The following TMPRSS7 variants were observed in gnomAD, a reference collection of about 807,000 sequenced individuals.
TMPRSS7 encodes transmembrane serine protease 7.
TMPRSS7 carries 81 observed loss-of-function variants against 95.6 expected under a neutral mutation model. That is an observed-to-expected ratio of 0.85 (90% CI 0.71 to 1.02). The LOEUF (loss-of-function observed/expected upper bound fraction) is 1.02, where lower values mean the gene tolerates loss of function less well. Among genes scored for constraint, TMPRSS7 ranks in the 50% least tolerant of loss-of-function variants. The probability of loss-of-function intolerance (pLI) is 0.00; values close to 1 mark genes in which losing one functional copy is unlikely to be tolerated. For missense variants in TMPRSS7, 945 were observed against 955.2 expected, an observed-to-expected ratio of 0.99 and a Z score of 0.14; for synonymous variants, 364 against 337.8, an observed-to-expected ratio of 1.08 and a Z score of -0.85.
chr3:112,046,955 A>G lies in TMPRSS7; in HGVS notation c.692-19A>G. 1.4e-6 allele frequency: 1 copy of G among 702,608 alleles called. No individual in the cohort carries two copies. The highest frequency in any genetic ancestry group is 2.6e-6 in the Non-Finnish European group (1 of 384,838). The allele number at this position is 702,608 out of a possible 1,614,324, so 43.5% of individuals were successfully genotyped here. On this transcript the variant is annotated intron_variant, in intron 5 of 17. Transcript: ENST00000452346. ...AAATGATAGGATTCAATCTCTTCTCATGTGCTTTTTCAATGCAGCTGGGCT... is the reference window on the plus strand; with the variant it reads ...AAATGATAGGATTCAATCTCTTCTCGTGTGCTTTTTCAATGCAGCTGGGCT...
intron 15 of TMPRSS7, among the ~76,000 whole-genome samples, chr3:112,076,023 T>G (rs916335431): frequency 2.0e-5 from 3 of 152,214 alleles, no homozygotes; most frequent in Non-Finnish European, 4.4e-5. Context: ...TCCCTGAAAA[T>G]TATAGGATTT....
chr3:112,049,973 A>G (rs935138901), exon 8 of TMPRSS7: 2 of 1,543,136 alleles, frequency 1.3e-6, no homozygotes, highest in African/African-American at 2.7e-5. Flanking sequence ...TTCCAGAACA[A>G]AGTAAGTCTT....
chr3:112,057,761 T>A (rs927416365), intron 10 of TMPRSS7, among the ~76,000 whole-genome samples: 3 of 152,220 alleles, frequency 2.0e-5, no homozygotes, highest in Non-Finnish European at 4.4e-5. Context: ...AGTTTTGCTC[T>A]GTCACCCAGG....
At chr3:112,044,232 A>G in intron 3 of TMPRSS7, 23 bp from the exon 4 acceptor site, 2 of 1,486,356 alleles carry the variant, frequency 1.3e-6, no homozygotes, top group South Asian at 2.4e-5. Context: ...AATACTTCAG[A>G]TACCTCAACT....
intron 13 of TMPRSS7, among the ~76,000 whole-genome samples, chr3:112,068,421 G>T (rs973606818): frequency 2.0e-5 from 3 of 152,204 alleles, no homozygotes; most frequent in Admixed American, 2.0e-4. Flanking sequence ...CGGCAGTATG[G>T]CCATTTTCAT....
At chr3:112,080,152 T>A (rs1182070553) in intron 17 of TMPRSS7, among the ~76,000 whole-genome samples, 1 of 152,236 alleles carries the variant, frequency 6.6e-6, no homozygotes. Flanking sequence ...GTTGCAAGAT[T>A]ATCTACCCTC....
intron 2 of TMPRSS7, among the ~76,000 whole-genome samples, chr3:112,038,951 T>C (rs753408913): frequency 1.2e-4 from 19 of 152,200 alleles, no homozygotes; most frequent in Non-Finnish European, 2.2e-4. Flanking sequence ...AGAAATGTAA[T>C]GCATTTGTAG....
At chr3:112,069,521 C>T (rs1052196101) in intron 13 of TMPRSS7, among the ~76,000 whole-genome samples, 2 of 152,194 alleles carry the variant, frequency 1.3e-5, no homozygotes, top group Non-Finnish European at 2.9e-5. Context: ...TTGGTCTATT[C>T]AGAGATTCAA....
chr3:112,043,803 C>A (rs897506861), intron 3 of TMPRSS7, among the ~76,000 whole-genome samples: 1 of 152,168 alleles, frequency 6.6e-6, no homozygotes, highest in Non-Finnish European at 1.5e-5. Context: ...GGCTGGTAGA[C>A]CTGGCTGTGG....
At chr3:112,042,657 T>A (rs868383484) in intron 3 of TMPRSS7, among the ~76,000 whole-genome samples, 1 of 152,236 alleles carries the variant, frequency 6.6e-6, no homozygotes, top group Admixed American at 6.5e-5. Context: ...TGCATGCTTC[T>A]ATGCACGTAA....
At chr3:112,074,130 C>T (rs896737860) in intron 13 of TMPRSS7, among the ~76,000 whole-genome samples, 166 bp from the exon 14 acceptor site, 1 of 152,230 alleles carries the variant, frequency 6.6e-6, no homozygotes, top group African/African-American at 2.4e-5. Context: ...AGAAATGGAT[C>T]ACTGTGAGGT....
intron 12 of TMPRSS7, among the ~76,000 whole-genome samples, chr3:112,065,409 T>C (rs2073563842): frequency 6.6e-6 from 1 of 152,220 alleles, no homozygotes; most frequent in East Asian, 1.9e-4. Context: ...TCATTGATTA[T>C]TTAAATCTAT....
intron 1 of TMPRSS7, 69 bp downstream of exon 1, chr3:112,034,962 G>A: frequency 2.9e-6 from 2 of 700,024 alleles, no homozygotes; most frequent in Non-Finnish European, 5.2e-6. Context: ...AGTAAAATGA[G>A]ATTGTATGAC....
intron 9 of TMPRSS7, among the ~76,000 whole-genome samples, chr3:112,053,841 G>A (rs11713084): frequency 0.23 from 35,719 of 152,020 alleles, 4,370 homozygotes; most frequent in Middle Eastern, 0.28. Context: ...GCTTCCCTAC[G>A]TTTCTTAACA....
At chr3:112,050,747 C>T (rs772504109) in exon 9 of TMPRSS7, 1 of 1,602,028 alleles carries the variant, frequency 6.2e-7, no homozygotes, top group Admixed American at 1.7e-5. Flanking sequence ...ACCCGAGCTA[C>T]TATCCTCCAA....
chr3:112,049,848 T>C, exon 8 of TMPRSS7: 2 of 1,513,502 alleles, frequency 1.3e-6, no homozygotes, highest in Non-Finnish European at 1.8e-6. Context: ...TTTCAGAATT[T>C]GTGAACCCAC....
At chr3:112,066,264 G>T in intron 12 of TMPRSS7, 128 bp from the exon 13 acceptor site, 1 of 709,714 alleles carries the variant, frequency 1.4e-6, no homozygotes. Flanking sequence ...TCAGTTTTGA[G>T]GAAAATACAC....
chr3:112,035,667 C>T (rs1472606739), intron 1 of TMPRSS7, among the ~76,000 whole-genome samples: 1 of 152,124 alleles, frequency 6.6e-6, no homozygotes, highest in Non-Finnish European at 1.5e-5. Flanking sequence ...AAAGCTATTT[C>T]GTCTCTGGAG....
chr3:112,036,424 C>G (rs1206338955), intron 1 of TMPRSS7, among the ~76,000 whole-genome samples: 1 of 152,074 alleles, frequency 6.6e-6, no homozygotes, highest in African/African-American at 2.4e-5. Context: ...CAGAATTAGC[C>G]AGGTGTGGTG....
Sources: gnomAD v4.1 joint callset for allele counts (sites outside exome capture counted in the v4.1 genomes callset) on GRCh38, gnomAD v4.1.1 for gene constraint, MANE v1.5 for transcripts, NCBI Gene and HGNC (gene_info 2026-07-23, HGNC 2026-07-21) for gene names.